STXBP6: variants seen among roughly 807,000 people sequenced by gnomAD.
STXBP6 encodes the protein syntaxin-binding protein 6.
In STXBP6, 21 loss-of-function variants were observed where a neutral mutation model predicts 26.9. That is an observed-to-expected ratio of 0.78 (90% CI 0.55 to 1.12). STXBP6 has a LOEUF of 1.12. Among genes scored for constraint, STXBP6 ranks in the 50% most tolerant of loss-of-function variants. The pLI, the probability that STXBP6 is intolerant of heterozygous loss-of-function variation, is 0.00. For synonymous variants in STXBP6, 97 were observed against 92.6 expected (o/e 1.05, Z -0.27); for missense variants, 232 against 257.9 (o/e 0.90, Z 0.69).
chr14:24,889,297 A>G (rs1486556704), intron 2 of STXBP6, among the ~76,000 whole-genome samples: 1 of 145,386 alleles, frequency 6.9e-6, no homozygotes, highest in Non-Finnish European at 1.5e-5. Context: ...AAACTTAAAA[A>G]CAACAACAAC....
intron 1 of STXBP6, among the ~76,000 whole-genome samples, chr14:24,978,208 C>A (rs189899624): frequency 1.8e-3 from 279 of 152,310 alleles, no homozygotes; most frequent in African/African-American, 6.4e-3. Context: ...AAAACGCAGA[C>A]CCCTGGGTCC....
At chr14:24,903,306 A>T (rs1767119712) in intron 2 of STXBP6, among the ~76,000 whole-genome samples, 1 of 152,174 alleles carries the variant, frequency 6.6e-6, no homozygotes, top group South Asian at 2.1e-4. Context: ...GAGAATCAAG[A>T]TCACACAGGC....
rs1277290226 is a variant in STXBP6 at position 24,970,702 on chromosome 14, A to G, written c.154+3963T>C. Among the ~76,000 whole-genome samples, 4 of 152,210 alleles carry G rather than the reference A, an allele frequency of 2.6e-5. 1 individual carries two copies. Among genetic ancestry groups the G allele is most frequent in the Non-Finnish European group, 2.9e-5 (2 of 68,020 alleles). On this transcript the variant is annotated intron_variant, in intron 2 of 5. Coordinates refer to ENST00000323944, the MANE Select transcript of STXBP6 (RefSeq NM_001394410.1). ...TATAAATACTTGTGTATAAGTCTTT[A>G]GGTGGATGTATGTTTTTATTTTTTC... is the stretch of plus-strand genomic sequence containing the variant.
At chr14:24,822,508 G>A (rs1246621622) in intron 4 of STXBP6, among the ~76,000 whole-genome samples, 4 of 152,090 alleles carry the variant, frequency 2.6e-5, no homozygotes, top group Admixed American at 1.3e-4. Context: ...TACATACTAC[G>A]TGCCAGGCAC....
intron 1 of STXBP6, among the ~76,000 whole-genome samples, chr14:25,035,965 C>T (rs2075542635): frequency 1.3e-5 from 2 of 152,042 alleles, no homozygotes; most frequent in African/African-American, 2.4e-5. Flanking sequence ...CGCCTGTAAT[C>T]CCAGCACTTT....
At chr14:24,858,113 T>A (rs769627959) in intron 2 of STXBP6, among the ~76,000 whole-genome samples, 38 of 152,138 alleles carry the variant, frequency 2.5e-4, no homozygotes, top group Non-Finnish European at 8.8e-5. Context: ...CTGTGGCATA[T>A]TCTTTGTTTC....
rs1371681664 is a variant in STXBP6, at chr14:24,989,256, T to C, written c.-32-14406A>G. ...AATAACTGGCCTGTTTACTAATTCA[T>C]TACTGTCTGGTTACTGAGGATACAG... On this transcript the variant is annotated intron_variant, in intron 1 of 5. Transcript: ENST00000323944. Among the ~76,000 whole-genome samples, 4 of 152,214 alleles carry C rather than the reference T, an allele frequency of 2.6e-5. No homozygotes were observed. In the East Asian group the frequency reaches 7.7e-4, roughly 29 times the overall value.
chr14:24,874,886 G>A (rs1049111492), intron 2 of STXBP6, among the ~76,000 whole-genome samples: 3 of 152,078 alleles, frequency 2.0e-5, no homozygotes, highest in Non-Finnish European at 2.9e-5. Flanking sequence ...GTGGGAACAC[G>A]CTCATTAAAA....
At chr14:24,953,757 A>C (rs908772085) in intron 2 of STXBP6, among the ~76,000 whole-genome samples, 3 of 152,244 alleles carry the variant, frequency 2.0e-5, no homozygotes, top group African/African-American at 7.2e-5. Context: ...AATAAACAAA[A>C]AACTATCTCA....
In STXBP6 at chr14:24,819,212, G is replaced by C; in HGVS notation, c.452-18C>G. 1 of 1,613,778 alleles carries C rather than the reference G, an allele frequency of 6.2e-7. No individual in the cohort carries two copies. Among genetic ancestry groups the C allele is most frequent in the Non-Finnish European group, 8.5e-7 (1 of 1,180,000 alleles). On this transcript the variant is annotated intron_variant, in intron 4 of 5. Coordinates refer to ENST00000323944, the MANE Select transcript of STXBP6 (RefSeq NM_001394410.1). ...GCTGTTTCCTGAAAGGAGGAGAGCA[G>C]GAGCATCAGAAACTGGCTCAGCTGA... is the stretch of plus-strand genomic sequence containing the variant.
chr14:24,878,272 T>C (rs1486843979), intron 2 of STXBP6, among the ~76,000 whole-genome samples: 1 of 152,126 alleles, frequency 6.6e-6, no homozygotes, highest in Non-Finnish European at 1.5e-5. Flanking sequence ...TGTCACGATT[T>C]TCAGTCGTGG....
intron 1 of STXBP6, among the ~76,000 whole-genome samples, chr14:25,047,765 C>T (rs748202642): frequency 6.6e-6 from 1 of 152,210 alleles, no homozygotes; most frequent in Non-Finnish European, 1.5e-5. Context: ...CTGTTCTTGC[C>T]TTCAATTGAT....
rs370775882 is a variant in STXBP6 at position 24,820,066 on chromosome 14, C to T, written c.452-872G>A. Among the ~76,000 whole-genome samples, 113 of 152,206 alleles carry T rather than the reference C, an allele frequency of 7.4e-4. 1 individual carries two copies. The highest frequency in any genetic ancestry group is 2.6e-3 in the African/African-American group (108 of 41,518). On this transcript the variant is annotated intron_variant, in intron 4 of 5. Coordinates refer to ENST00000323944, the MANE Select transcript of STXBP6 (RefSeq NM_001394410.1). ...GCAAAATTCAATAGTGAAGAACTTGCCAATGCATAAATCACTGAGAAATAG... is the reference window on the plus strand; with the variant it reads ...GCAAAATTCAATAGTGAAGAACTTGTCAATGCATAAATCACTGAGAAATAG...
chr14:24,918,405 G>A (rs186910160), intron 2 of STXBP6, among the ~76,000 whole-genome samples: 30 of 146,340 alleles, frequency 2.1e-4, no homozygotes, highest in African/African-American at 5.5e-4. Flanking sequence ...TCATTAAAAC[G>A]TTTAACTTTA....
chr14:24,990,307 A>G (rs2074433246), intron 1 of STXBP6, among the ~76,000 whole-genome samples: 1 of 152,050 alleles, frequency 6.6e-6, no homozygotes, highest in Non-Finnish European at 1.5e-5. Context: ...GGATGGGGAG[A>G]GTTGAGAAAG....
chr14:24,849,093 A>G (rs964161208), intron 4 of STXBP6, among the ~76,000 whole-genome samples: 1 of 152,168 alleles, frequency 6.6e-6, no homozygotes, highest in Non-Finnish European at 1.5e-5. Context: ...CAAAAACACA[A>G]AACTTCCAAA....
chr14:24,965,015 C>T (rs983679087), intron 2 of STXBP6, among the ~76,000 whole-genome samples: 2 of 152,144 alleles, frequency 1.3e-5, no homozygotes, highest in African/African-American at 4.8e-5. Context: ...ATATTCATGA[C>T]ATTAGAGTGG....
At chr14:24,883,900 C>G (rs2070471317) in intron 2 of STXBP6, among the ~76,000 whole-genome samples, 1 of 152,106 alleles carries the variant, frequency 6.6e-6, no homozygotes. Flanking sequence ...ACAACACAAG[C>G]TCTTAAGTAA....
chr14:24,960,637 G>C (rs1251584095), intron 2 of STXBP6, among the ~76,000 whole-genome samples: 2 of 152,010 alleles, frequency 1.3e-5, no homozygotes, highest in Non-Finnish European at 2.9e-5. Flanking sequence ...CTGCTTCATG[G>C]GTCCCCAAGT....
Sources: gnomAD v4.1 joint callset for allele counts (sites outside exome capture counted in the v4.1 genomes callset) on GRCh38, gnomAD v4.1.1 for gene constraint, MANE v1.5 for transcripts, NCBI Gene and HGNC (gene_info 2026-07-23, HGNC 2026-07-21) for gene names.